The following RBPJ variants were observed in gnomAD, a reference collection of about 807,000 sequenced individuals.
RBPJ encodes the protein recombination signal binding protein for immunoglobulin kappa J region.
Under a neutral mutation model 67.8 loss-of-function variants are expected in RBPJ, and 9 were observed. The observed-to-expected ratio is 0.13, with a 90% CI of 0.08 to 0.23. The LOEUF is 0.23. RBPJ is among the 10% of genes least tolerant of loss of function. The pLI, the probability that RBPJ is intolerant of heterozygous loss-of-function variation, is 1.00. For missense variants in RBPJ, 305 were observed against 595.6 expected (o/e 0.51, Z 5.08); for synonymous variants, 198 against 203.3 (o/e 0.97, Z 0.22).
At chr4:26,386,449 T>C (rs1730927656) in intron 2 of RBPJ, 58 bp downstream of exon 2, 2 of 1,118,358 alleles carry the variant, frequency 1.8e-6, no homozygotes, top group South Asian at 1.4e-5. Flanking sequence ...ATAAATCTTA[T>C]TGTTTTAGAT....
At chr4:26,304,587 A>G (rs1386853236) in intron 1 of RBPJ, among the ~76,000 whole-genome samples, 1 of 152,214 alleles carries the variant, frequency 6.6e-6, no homozygotes, top group African/African-American at 2.4e-5. Flanking sequence ...TTTTTCCATG[A>G]TGGCTAATGA....
the RBPJ span, among the ~76,000 whole-genome samples, chr4:26,107,204 A>G: frequency 6.6e-6 from 1 of 152,228 alleles, no homozygotes; most frequent in Non-Finnish European, 1.5e-5. Flanking sequence ...AATAATTCAA[A>G]TAATGTTCAC....
intron 1 of RBPJ, among the ~76,000 whole-genome samples, chr4:26,308,249 C>T (rs2109305096): frequency 6.6e-6 from 1 of 151,728 alleles, no homozygotes; most frequent in Non-Finnish European, 1.5e-5. Flanking sequence ...GCCCTCCAGC[C>T]TGGGTGACAG....
At chr4:26,153,264 T>C in the RBPJ span, among the ~76,000 whole-genome samples, 1 of 152,212 alleles carries the variant, frequency 6.6e-6, no homozygotes, top group Non-Finnish European at 1.5e-5. Flanking sequence ...TTTTCTTACA[T>C]TTATTCACAC....
intron 1 of RBPJ, among the ~76,000 whole-genome samples, chr4:26,358,780 C>G (rs1002522460): frequency 2.6e-5 from 4 of 151,246 alleles, no homozygotes; most frequent in Admixed American, 2.0e-4. Flanking sequence ...AAGATCTTGT[C>G]TCTTAAAAAA....
chr4:26,198,151 G>A (rs1717846095), intron 1 of RBPJ, among the ~76,000 whole-genome samples: 1 of 152,168 alleles, frequency 6.6e-6, no homozygotes, highest in African/African-American at 2.4e-5. Flanking sequence ...CTACTCGGGA[G>A]GCTGAGGCCG....
chr4:26,156,718 G>A, the RBPJ span, among the ~76,000 whole-genome samples: 1 of 151,974 alleles, frequency 6.6e-6, no homozygotes, highest in African/African-American at 2.4e-5. Flanking sequence ...GCCTCCCAAA[G>A]TGCTGGGATT....
At chr4:26,251,329 C>G (rs1720101433) in intron 1 of RBPJ, among the ~76,000 whole-genome samples, 1 of 151,862 alleles carries the variant, frequency 6.6e-6, no homozygotes, top group Non-Finnish European at 1.5e-5. Context: ...AGCACAGTAG[C>G]AAAAAGCCAA....
At chr4:26,325,079 G>A (rs909879801) in intron 1 of RBPJ, among the ~76,000 whole-genome samples, 1 of 152,250 alleles carries the variant, frequency 6.6e-6, no homozygotes, top group East Asian at 1.9e-4. Context: ...TTGCTTCTCT[G>A]TTCTTGGTAG....
At chr4:26,274,898 C>A (rs1232202065) in intron 1 of RBPJ, among the ~76,000 whole-genome samples, 1 of 151,872 alleles carries the variant, frequency 6.6e-6, no homozygotes, top group African/African-American at 2.4e-5. Flanking sequence ...CACGCCATTG[C>A]ATGATCCTAG....
intron 1 of RBPJ, among the ~76,000 whole-genome samples, chr4:26,270,417 G>GAAAGAAAGAAAGAAAGA (rs1720866023): frequency 1.8e-5 from 1 of 54,562 alleles, no homozygotes; most frequent in African/African-American, 4.7e-5. Flanking sequence ...AAGAAAGAAA[G>GAAAGAAAGAAAGAAAGA]AAAGAAAGAA....
chr4:26,319,881 G>T, upstream of RBPJ: 1 of 1,597,524 alleles, frequency 6.3e-7, no homozygotes, highest in South Asian at 1.1e-5. Context: ...AAAGATGGGG[G>T]GCTGCAGGTA....
chr4:26,215,290 A>G (rs1718663825), intron 1 of RBPJ, among the ~76,000 whole-genome samples: 1 of 100,966 alleles, frequency 9.9e-6, no homozygotes, highest in Non-Finnish European at 2.1e-5. Flanking sequence ...GAGAGAAAGA[A>G]AGAGAAAAAG....
intron 1 of RBPJ, among the ~76,000 whole-genome samples, chr4:26,379,923 A>C (rs1041288550): frequency 6.6e-6 from 1 of 152,132 alleles, no homozygotes; most frequent in African/African-American, 2.4e-5. Flanking sequence ...TGTTTAATAG[A>C]TGAGATTGTC....
chr4:26,275,871 C>A (rs1314386804), intron 1 of RBPJ, among the ~76,000 whole-genome samples: 1 of 151,902 alleles, frequency 6.6e-6, no homozygotes, highest in Non-Finnish European at 1.5e-5. Flanking sequence ...ACCTCTCTGC[C>A]CACCTCGGCC....
At chr4:26,402,908 C>T (rs972329468) in intron 2 of RBPJ, among the ~76,000 whole-genome samples, 1 of 152,156 alleles carries the variant, frequency 6.6e-6, no homozygotes, top group Non-Finnish European at 1.5e-5. Flanking sequence ...TGACTTTTGT[C>T]AGCAGAACCT....
Position 26,215,304 on chromosome 4 carries a change from G to A in RBPJ, c.-167+51690G>A, listed in dbSNP as rs1171213541. Among the ~76,000 whole-genome samples, 2 of 118,262 alleles carry A rather than the reference G, an allele frequency of 1.7e-5. 1 individual carries two copies. Among genetic ancestry groups the A allele is most frequent in the African/African-American group, 6.5e-5 (2 of 30,994 alleles). The allele number at this position is 118,262 out of a possible 152,430, so 77.6% of individuals were successfully genotyped here. ...AGAGAGAAAGAAAGAGAAAAAGAGA[G>A]AGAAAAGAGAAAGAAAGAAAGAAAA... On this transcript the variant is annotated intron_variant, in intron 1 of 4. Transcript: ENST00000512351.
At chr4:26,303,663 G>C (rs1722148542) in intron 1 of RBPJ, among the ~76,000 whole-genome samples, 2 of 151,604 alleles carry the variant, frequency 1.3e-5, no homozygotes, top group South Asian at 4.2e-4. Context: ...AAGCATCTAG[G>C]CTGGGCGTGG....
intron 1 of RBPJ, among the ~76,000 whole-genome samples, chr4:26,287,846 A>G (rs1467267172): frequency 6.6e-6 from 1 of 151,992 alleles, no homozygotes; most frequent in East Asian, 1.9e-4. Flanking sequence ...AAGAACTCCA[A>G]TAGAAGAAGA....
Sources: gnomAD v4.1 joint callset for allele counts (sites outside exome capture counted in the v4.1 genomes callset) on GRCh38, gnomAD v4.1.1 for gene constraint, MANE v1.5 for transcripts, NCBI Gene and HGNC (gene_info 2026-07-23, HGNC 2026-07-21) for gene names.